The following SNX8 variants were observed in gnomAD, a reference collection of about 807,000 sequenced individuals.
The protein encoded by SNX8 is sorting nexin-8.
A neutral mutation model predicts 51.6 loss-of-function variants in SNX8; 25 were observed. The ratio of observed to expected loss-of-function variants is 0.48; its 90% CI spans 0.35 to 0.68. The LOEUF is 0.68. SNX8 is among the 30% of genes least tolerant of loss of function. The pLI is 0.00. For missense variants in SNX8, 695 were observed against 624.0 expected, an observed-to-expected ratio of 1.11 and a Z score of -1.21; for synonymous variants, 324 against 277.0, an observed-to-expected ratio of 1.17 and a Z score of -1.68.
At chr7:2,306,002 G>C (rs1422240767) in intron 1 of SNX8, among the ~76,000 whole-genome samples, 1 of 152,180 alleles carries the variant, frequency 6.6e-6, no homozygotes, top group Non-Finnish European at 1.5e-5. Context: ...CTTCCCGCCA[G>C]AGGGAACTAC....
At chr7:2,303,436 C>A (rs550859494) in intron 1 of SNX8, among the ~76,000 whole-genome samples, 18 of 152,336 alleles carry the variant, frequency 1.2e-4, no homozygotes, top group Admixed American at 1.0e-3. Flanking sequence ...GCCCGGCCAC[C>A]ACCCCGTCTG....
At chr7:2,261,497 G>A (rs1274458328) in intron 7 of SNX8, among the ~76,000 whole-genome samples, 1 of 152,234 alleles carries the variant, frequency 6.6e-6, no homozygotes, top group African/African-American at 2.4e-5. Flanking sequence ...GTATTTAATT[G>A]ATGGGGAAAC....
intron 1 of SNX8, among the ~76,000 whole-genome samples, chr7:2,296,843 T>C (rs527608968): frequency 6.6e-6 from 1 of 151,830 alleles, no homozygotes; most frequent in African/African-American, 2.4e-5. Flanking sequence ...GGCATGAGAA[T>C]CGCTTGAACC....
intron 2 of SNX8, among the ~76,000 whole-genome samples, chr7:2,276,642 TA>T (rs34590431): frequency 0.33 from 42,235 of 128,370 alleles, 7,360 homozygotes; most frequent in East Asian, 0.57. Flanking sequence ...ATTTGTACTT[TA>T]AAAAAAAAAA....
At chr7:2,264,258 C>T (rs1454832725) in intron 6 of SNX8, 40 bp downstream of exon 6, 2 of 1,578,478 alleles carry the variant, frequency 1.3e-6, no homozygotes, top group Non-Finnish European at 8.7e-7. Context: ...GATTCCCGTC[C>T]CACCGCGCGT....
chr7:2,353,429 A>G (rs1435972990), intron 1 of SNX8, among the ~76,000 whole-genome samples: 4 of 152,164 alleles, frequency 2.6e-5, no homozygotes, highest in Non-Finnish European at 5.9e-5. Flanking sequence ...AAATATACAT[A>G]AAATTTACCT....
At chr7:2,269,724 G>A (rs1795597918) in intron 4 of SNX8, 85 bp from the exon 5 acceptor site, 1 of 806,878 alleles carries the variant, frequency 1.2e-6, no homozygotes, top group Non-Finnish European at 2.0e-6. Flanking sequence ...TGGAGCGGGA[G>A]GTCGTCTTTC....
intron 2 of SNX8, among the ~76,000 whole-genome samples, chr7:2,276,422 A>G (rs560626356): frequency 2.6e-5 from 4 of 152,338 alleles, no homozygotes; most frequent in Admixed American, 2.0e-4. Flanking sequence ...TGGTAGCAGT[A>G]CTGACAACCA....
In SNX8 at chr7:2,257,770, G is replaced by T. The variant is rs1425273155; in HGVS notation, c.949C>A (p.Leu317Met). The change falls in exon 8 of 11, where the codon CTG (leucine) becomes ATG (methionine). Residue 317 changes from leucine to methionine, a missense_variant. Physicochemically the swap from Leu to Met is conservative, Grantham distance 15. Transcript: ENST00000222990. Reference sequence around the variant, plus strand: ...TGCAGCAGATCCAAGAAGAGGTTCAGCTTCTCCACCACGTCGTTCTCTTCC... The same window carrying T: ...TGCAGCAGATCCAAGAAGAGGTTCATCTTCTCCACCACGTCGTTCTCTTCC... Reference protein sequence around the residue: ...KQEENDVVEKLNLFLDLLQSY... With the variant: ...KQEENDVVEKMNLFLDLLQSY... 1.9e-6 allele frequency: 3 copies of T among 1,614,078 alleles called. No homozygotes were observed. Among genetic ancestry groups the T allele is most frequent in the Non-Finnish European group, 2.5e-6 (3 of 1,180,010 alleles).
intron 1 of SNX8, among the ~76,000 whole-genome samples, chr7:2,340,376 C>G (rs1447733595): frequency 6.6e-6 from 1 of 151,656 alleles, no homozygotes; most frequent in East Asian, 1.9e-4. Context: ...CCGGCCTACA[C>G]TACAAAACTT....
intron 1 of SNX8, among the ~76,000 whole-genome samples, chr7:2,332,722 T>TGAGA (rs371400352): frequency 8.8e-5 from 11 of 125,568 alleles, no homozygotes; most frequent in Admixed American, 1.8e-4. Context: ...TGTACTCCAG[T>TGAGA]GAGAGAGAGA....
At chr7:2,319,824 A>AG (rs1394982303) in intron 1 of SNX8, among the ~76,000 whole-genome samples, 1 of 139,584 alleles carries the variant, frequency 7.2e-6, no homozygotes, top group East Asian at 2.1e-4. Flanking sequence ...CAAAAAAAAA[A>AG]AAAAAATTAG....
rs375425004 is a variant in SNX8, at chr7:2,274,028, C to A, written c.418+1084G>T. On this transcript the variant is annotated intron_variant, in intron 3 of 10. Coordinates refer to ENST00000222990, the MANE Select transcript of SNX8 (RefSeq NM_013321.4). ...GGCTGCACTTCCTTAAATGCGCAAG[C>A]GGCCCAGCGCGCGTGTGCAGTTTCC... Among the ~76,000 whole-genome samples the A allele has an allele frequency of 2.6e-5, 4 of 152,358 alleles. No homozygotes were observed. The East Asian group carries it at 7.7e-4, about 29-fold the overall frequency.
intron 1 of SNX8, among the ~76,000 whole-genome samples, chr7:2,346,463 G>T (rs1427527238): frequency 6.6e-6 from 1 of 150,564 alleles, no homozygotes; most frequent in Non-Finnish European, 1.5e-5. Context: ...AAAAAGGTGA[G>T]GCAGCCAGGC....
In SNX8 at chr7:2,254,894, CG is replaced by C; in HGVS notation, c.*161del. The C allele has an allele frequency of 3.1e-6, 2 of 640,622 alleles. No individual in the cohort carries two copies. Among genetic ancestry groups the C allele is most frequent in the Non-Finnish European group, 5.7e-6 (2 of 351,734 alleles). 39.7% of individuals were successfully genotyped at this position (640,622 alleles called of 1,614,324 possible). ...GTGGCCCAGCTGCCCCCATGGTCCA[CG>C]GATGCGCCTCCCGACCCGCAGGCGT... On this transcript the variant is annotated 3_prime_UTR_variant, in exon 11 of 11. Transcript: ENST00000222990.
intron 4 of SNX8, among the ~76,000 whole-genome samples, chr7:2,270,538 G>A (rs1234438346): frequency 2.0e-5 from 3 of 151,946 alleles, no homozygotes; most frequent in South Asian, 4.2e-4. Flanking sequence ...CACAGGGAAC[G>A]TCCTGCCCCC....
At chr7:2,283,290 A>C (rs1180813992) in intron 1 of SNX8, among the ~76,000 whole-genome samples, 2 of 152,230 alleles carry the variant, frequency 1.3e-5, no homozygotes, top group Admixed American at 6.5e-5. Context: ...CCCAAGCAGC[A>C]CAGCTGCAGC....
rs370937427 is a variant in SNX8 at position 2,351,777 on chromosome 7, T to G, written c.-66+2445A>C. Among the ~76,000 whole-genome samples, 107 of 147,812 alleles carry G rather than the reference T, an allele frequency of 7.2e-4. 1 individual carries two copies. Among genetic ancestry groups the G allele is most frequent in the South Asian group, 1.5e-3 (7 of 4,632 alleles). On this transcript the variant is annotated intron_variant, in intron 1 of 5. Transcript: ENST00000435336. Reference sequence around the variant, plus strand: ...ACCCGGGAGGTGGAGCTTGCAGTGATCCGAGATAGCACCACTGCACTCCAG... The same window carrying G: ...ACCCGGGAGGTGGAGCTTGCAGTGAGCCGAGATAGCACCACTGCACTCCAG...
rs188592523 is a variant in SNX8 at position 2,255,210 on chromosome 7, C to T, written c.1285-41G>A. The stretch of plus-strand genomic sequence containing the variant: ...AGAGAACAAGATCAGCAGGCGGGGC[C>T]GGGGCTCCTCCTCACGCTCTGATCC... On this transcript the variant is annotated intron_variant, in intron 10 of 10. Transcript: ENST00000222990. The T allele has an allele frequency of 2.0e-4, 265 of 1,296,242 alleles. 2 individuals are homozygous for T. In the East Asian group the frequency reaches 4.7e-3, roughly 23 times the overall value. 80.3% of individuals were successfully genotyped at this position (1,296,242 alleles called of 1,614,324 possible).
Sources: allele counts gnomAD v4.1 joint callset (sites outside exome capture counted in the v4.1 genomes callset), GRCh38; gene constraint gnomAD v4.1.1; transcripts MANE v1.5; gene names NCBI Gene and HGNC (gene_info 2026-07-23, HGNC 2026-07-21).